Variants in FSTL4 observed in about 807,000 individuals in gnomAD.
The protein encoded by FSTL4 is follistatin like 4, also known as follistatin-related protein 4.
FSTL4 carries 28 observed loss-of-function variants against 78.2 expected under a neutral mutation model. The observed-to-expected ratio is 0.36, with a 90% CI of 0.27 to 0.49. The LOEUF is 0.49. FSTL4 is among the 20% of genes least tolerant of loss of function. FSTL4 has a pLI of 0.98. For synonymous variants in FSTL4, 422 were observed against 440.5 expected, an observed-to-expected ratio of 0.96 and a Z score of 0.53; for missense variants, 922 against 1,084.9, an observed-to-expected ratio of 0.85 and a Z score of 2.11.
the FSTL4 span, among the ~76,000 whole-genome samples, chr5:133,777,709 G>A: frequency 6.6e-6 from 1 of 152,048 alleles, no homozygotes; most frequent in Non-Finnish European, 1.5e-5. Context: ...TAAAGCTTGG[G>A]GATCTTTTCA....
chr5:133,832,828 A>G, the FSTL4 span, among the ~76,000 whole-genome samples: 9 of 152,228 alleles, frequency 5.9e-5, no homozygotes, highest in Non-Finnish European at 1.2e-4. Context: ...GTCACCAACT[A>G]TCCAACTCTG....
At chr5:133,624,531 G>C in the FSTL4 span, among the ~76,000 whole-genome samples, 8 of 151,728 alleles carry the variant, frequency 5.3e-5, no homozygotes, top group Admixed American at 1.3e-4. Context: ...GCGCAACATC[G>C]TGAATATGCT....
chr5:133,221,092 C>A, intron 11 of FSTL4: 1 of 626,544 alleles, frequency 1.6e-6, no homozygotes, highest in South Asian at 1.7e-5. Context: ...TCACAGGCTA[C>A]GTACAGCTGC....
At chr5:133,731,353 A>G in the FSTL4 span, among the ~76,000 whole-genome samples, 1 of 152,208 alleles carries the variant, frequency 6.6e-6, no homozygotes, top group Non-Finnish European at 1.5e-5. Context: ...CAACCCATCT[A>G]TACTGCAGCC....
At chr5:133,470,423 A>G (rs549513694) in intron 3 of FSTL4, among the ~76,000 whole-genome samples, 1 of 152,348 alleles carries the variant, frequency 6.6e-6, no homozygotes, top group South Asian at 2.1e-4. Context: ...GGAATCAGAA[A>G]GCAAGAAAGT....
the FSTL4 span, among the ~76,000 whole-genome samples, chr5:133,680,088 G>A: frequency 6.6e-6 from 1 of 152,176 alleles, no homozygotes; most frequent in East Asian, 1.9e-4. Context: ...ACCTGATCAT[G>A]TCAAACAACC....
intron 1 of FSTL4, among the ~76,000 whole-genome samples, chr5:133,609,432 C>A (rs889120150): frequency 6.6e-6 from 1 of 152,170 alleles, no homozygotes; most frequent in Non-Finnish European, 1.5e-5. Context: ...AAAAAAGCCA[C>A]ATCAACCCCA....
At chr5:133,696,163 C>A in the FSTL4 span, among the ~76,000 whole-genome samples, 1 of 152,190 alleles carries the variant, frequency 6.6e-6, no homozygotes, top group African/African-American at 2.4e-5. Flanking sequence ...AGGGAGAACG[C>A]AGGGCTGCCC....
intron 2 of FSTL4, 94 bp from the exon 3 acceptor site, chr5:133,567,313 G>A: frequency 1.1e-6 from 1 of 915,308 alleles, no homozygotes. Context: ...ACACATTTAT[G>A]AAAAGGTGAA....
the FSTL4 span, among the ~76,000 whole-genome samples, chr5:133,693,370 A>G: frequency 6.6e-6 from 1 of 152,228 alleles, no homozygotes; most frequent in Non-Finnish European, 1.5e-5. Flanking sequence ...AAGAAATTAT[A>G]TACAAATTAT....
chr5:133,791,934 G>A, the FSTL4 span, among the ~76,000 whole-genome samples: 1 of 152,222 alleles, frequency 6.6e-6, no homozygotes, highest in South Asian at 2.1e-4. Flanking sequence ...CTCACCCGTG[G>A]TTCCAGGCAC....
At chr5:133,286,630 TG>T (rs971185441) in intron 6 of FSTL4, among the ~76,000 whole-genome samples, 1 of 152,104 alleles carries the variant, frequency 6.6e-6, no homozygotes, top group African/African-American at 2.4e-5. Context: ...ATCATCACAT[TG>T]GGGACCCTCC....
chr5:133,492,409 T>C (rs1359196062), intron 3 of FSTL4, among the ~76,000 whole-genome samples: 1 of 152,152 alleles, frequency 6.6e-6, no homozygotes, highest in African/African-American at 2.4e-5. Context: ...GTTCTTTCAG[T>C]AAGAGTTTAT....
upstream of FSTL4, among the ~76,000 whole-genome samples, chr5:133,613,609 C>A (rs1213704057): frequency 2.0e-5 from 3 of 152,214 alleles, no homozygotes; most frequent in Admixed American, 6.5e-5. Flanking sequence ...ATGCAGCAGG[C>A]ACTGTGCTAT....
At position 133,410,204 on chromosome 5, in the gene FSTL4, T is replaced by C. The variant is rs1000793679; in HGVS notation, c.161-9218A>G. 2.6e-5 allele frequency among the ~76,000 whole-genome samples: 4 copies of C among 152,242 alleles called. No individual in the cohort carries two copies. The East Asian group carries it at 7.7e-4, about 29-fold the overall frequency. On this transcript the variant is annotated intron_variant, in intron 3 of 15. Transcript: ENST00000265342. ...GAGAGTTTCTTTTACAAAACGGCTTTGTTTTAGACACTTCCTCCAAATATA... is the reference window on the plus strand; with the variant it reads ...GAGAGTTTCTTTTACAAAACGGCTTCGTTTTAGACACTTCCTCCAAATATA...
Position 133,202,005 on chromosome 5 carries a change from A to T in FSTL4, c.1754T>A (p.Leu585His). The change falls in exon 15 of 16, where the codon CTC (leucine) becomes CAC (histidine). Residue 585 changes from leucine to histidine, a missense_variant. By Grantham distance (99) the Leu-to-His change is moderately conservative. Coordinates refer to ENST00000265342, the MANE Select transcript of FSTL4 (RefSeq NM_015082.2). ...TEASTGQSQH[L>H]IRTPFAGVDD... ...CACTCCTGCAAAGGGTGTGCGGATG[A>T]GGTGCTGGCTCTGGCCGGTGCTGGC... 1 of 1,612,226 alleles carries T rather than the reference A, an allele frequency of 6.2e-7. No individual in the cohort carries two copies. The highest frequency in any genetic ancestry group is 1.1e-5 in the South Asian group (1 of 90,758).
intron 7 of FSTL4, among the ~76,000 whole-genome samples, chr5:133,242,078 A>G (rs1162369565): frequency 1.3e-5 from 2 of 152,232 alleles, no homozygotes; most frequent in Admixed American, 6.5e-5. Flanking sequence ...CTGAAAATGC[A>G]TCACTTCCGA....
chr5:133,774,563 AGGG>A, the FSTL4 span, among the ~76,000 whole-genome samples: 2 of 152,238 alleles, frequency 1.3e-5, no homozygotes, highest in African/African-American at 4.8e-5. Flanking sequence ...TACATGGGAT[AGGG>A]ACACTTACGT....
At chr5:133,697,053 G>T in the FSTL4 span, among the ~76,000 whole-genome samples, 1 of 152,212 alleles carries the variant, frequency 6.6e-6, no homozygotes, top group Non-Finnish European at 1.5e-5. Context: ...ATGAGTGGAG[G>T]GTAGGGGGAG....
Sources: gnomAD v4.1 joint callset for allele counts (sites outside exome capture counted in the v4.1 genomes callset) on GRCh38, gnomAD v4.1.1 for gene constraint, MANE v1.5 for transcripts, NCBI Gene and HGNC (gene_info 2026-07-23, HGNC 2026-07-21) for gene names.